Variants in NRG2 observed in about 807,000 individuals in gnomAD.
The protein encoded by NRG2 is pro-neuregulin-2, membrane-bound isoform.
A neutral mutation model predicts 73.9 loss-of-function variants in NRG2; 27 were observed. The observed-to-expected ratio is 0.37, with a 90% CI of 0.27 to 0.50. The LOEUF (loss-of-function observed/expected upper bound fraction) is 0.50, where lower values mean the gene tolerates loss of function less well. Ranked by LOEUF, NRG2 falls within the 20% of genes least tolerant of loss-of-function variation. The pLI is 0.96. For missense variants in NRG2, 1,126 were observed against 1,210.1 expected (o/e 0.93, Z 1.03); for synonymous variants, 532 against 541.0 (o/e 0.98, Z 0.23).
intron 3 of NRG2, among the ~76,000 whole-genome samples, chr5:139,873,075 G>A (rs917541079): frequency 6.6e-6 from 1 of 152,196 alleles, no homozygotes; most frequent in Non-Finnish European, 1.5e-5. Context: ...GGCACCCTCA[G>A]TGTTTAGACA....
At chr5:139,941,947 T>C (rs1240192464) in intron 1 of NRG2, among the ~76,000 whole-genome samples, 2 of 152,206 alleles carry the variant, frequency 1.3e-5, no homozygotes, top group African/African-American at 4.8e-5. Context: ...CATATAAATT[T>C]CACAAATAAG....
chr5:140,024,644 G>A (rs1760533959), intron 1 of NRG2, among the ~76,000 whole-genome samples: 1 of 152,196 alleles, frequency 6.6e-6, no homozygotes, highest in East Asian at 1.9e-4. Context: ...ATTTCCCCAC[G>A]CTCCCTCCTT....
intron 3 of NRG2, among the ~76,000 whole-genome samples, chr5:139,874,595 G>T (rs979246192): frequency 6.6e-6 from 1 of 152,104 alleles, no homozygotes; most frequent in African/African-American, 2.4e-5. Flanking sequence ...TTCCTCTCTG[G>T]TCTTTCTGCC....
intron 1 of NRG2, among the ~76,000 whole-genome samples, chr5:139,960,300 A>G (rs952624548): frequency 4.6e-5 from 7 of 152,272 alleles, no homozygotes; most frequent in Non-Finnish European, 1.0e-4. Flanking sequence ...AGGTCACCTG[A>G]GGTCGGGAGT....
chr5:139,996,060 T>C lies in NRG2; in HGVS notation c.700+46310A>G, dbSNP rs138251548. Among the ~76,000 whole-genome samples the C allele has an allele frequency of 1.8e-3, 267 of 152,252 alleles. 1 individual carries two copies. The highest frequency in any genetic ancestry group is 6.1e-3 in the African/African-American group (255 of 41,552). On this transcript the variant is annotated intron_variant, in intron 1 of 9. Coordinates refer to ENST00000361474, the MANE Select transcript of NRG2 (RefSeq NM_004883.3). ...GAAAAGAAGGGAAAACATCAGAAAG[T>C]TATTTATTTATTTCATCCTCAAATG...
chr5:139,971,250 C>T (rs1292004014), intron 1 of NRG2, among the ~76,000 whole-genome samples: 2 of 152,184 alleles, frequency 1.3e-5, no homozygotes, highest in Non-Finnish European at 1.5e-5. Context: ...AGCTCCTCCA[C>T]GATCACTCTG....
chr5:139,903,450 G>T (rs904532611), intron 1 of NRG2, among the ~76,000 whole-genome samples: 2 of 152,208 alleles, frequency 1.3e-5, no homozygotes, highest in Non-Finnish European at 2.9e-5. Context: ...CAAAACGCTT[G>T]CCTGAAGAAA....
In NRG2 at chr5:139,852,656, T is replaced by C; in HGVS notation, c.1417-97A>G. 1 of 1,538,020 alleles carries C rather than the reference T, an allele frequency of 6.5e-7. No homozygotes were observed. The highest frequency in any genetic ancestry group is 8.8e-7 in the Non-Finnish European group (1 of 1,135,206). On this transcript the variant is annotated intron_variant, in intron 7 of 9. Transcript: ENST00000361474. This position sits in a 1 kb window ranked among gnomAD's most constrained non-coding sequence, Gnocchi z 4.4. Reference sequence around the variant, plus strand: ...AAGTGATGAGCACTGACTGAGCTCCTGGTTGGGGAGACCCACTGTGTGAGA... The same window carrying C: ...AAGTGATGAGCACTGACTGAGCTCCCGGTTGGGGAGACCCACTGTGTGAGA...
Position 139,944,245 on chromosome 5 carries a change from C to A in NRG2, c.701-56734G>T, listed in dbSNP as rs566273131. 7.2e-5 allele frequency among the ~76,000 whole-genome samples: 11 copies of A among 152,178 alleles called. No homozygotes were observed. The South Asian group carries it at 1.7e-3, about 23-fold the overall frequency. On this transcript the variant is annotated intron_variant, in intron 1 of 9. Coordinates refer to ENST00000361474, the MANE Select transcript of NRG2 (RefSeq NM_004883.3). ...CATATCCATCATCTCAAACATTTAT[C>A]ATTTCTTTGTGATAGGAACATTGGA...
At chr5:139,875,874 G>A (rs1006567820) in intron 3 of NRG2, among the ~76,000 whole-genome samples, 9 of 152,230 alleles carry the variant, frequency 5.9e-5, no homozygotes, top group African/African-American at 1.4e-4. Flanking sequence ...ATTGGAAGCC[G>A]TATGCATTGC....
At chr5:139,871,639 T>C (rs565645162) in intron 4 of NRG2, 82 bp downstream of exon 4, 1 of 1,569,574 alleles carries the variant, frequency 6.4e-7, no homozygotes, top group Non-Finnish European at 8.7e-7. Context: ...CTTGGAACCC[T>C]CTTTTCCTAG....
At chr5:139,973,030 G>A (rs1164724034) in intron 1 of NRG2, among the ~76,000 whole-genome samples, 2 of 151,896 alleles carry the variant, frequency 1.3e-5, no homozygotes, top group African/African-American at 4.8e-5. Context: ...GTCACATACT[G>A]GTAGTGAAGC....
chr5:139,955,525 T>C (rs1754555560), intron 1 of NRG2, among the ~76,000 whole-genome samples: 2 of 152,170 alleles, frequency 1.3e-5, no homozygotes, highest in African/African-American at 4.8e-5. Flanking sequence ...GGCCCAGTCC[T>C]GTAGGCAGTG....
At chr5:139,882,326 T>A (rs1186658257) in intron 2 of NRG2, among the ~76,000 whole-genome samples, 1 of 152,152 alleles carries the variant, frequency 6.6e-6, no homozygotes, top group Non-Finnish European at 1.5e-5. Flanking sequence ...GGGGAGCCTC[T>A]TCCCAGGCAT....
intron 1 of NRG2, among the ~76,000 whole-genome samples, chr5:140,034,344 T>TC (rs1761357756): frequency 6.6e-6 from 1 of 151,536 alleles, no homozygotes; most frequent in South Asian, 2.1e-4. Flanking sequence ...TTTTTTTTTT[T>TC]CTGAAGGAAG....
intron 1 of NRG2, among the ~76,000 whole-genome samples, chr5:139,893,845 G>T (rs1370141314): frequency 6.6e-6 from 1 of 152,156 alleles, no homozygotes; most frequent in Non-Finnish European, 1.5e-5. Flanking sequence ...CCTCCAGGAC[G>T]GGCTCCATAA....
chr5:140,023,411 C>T (rs1363594639), intron 1 of NRG2, among the ~76,000 whole-genome samples: 1 of 152,198 alleles, frequency 6.6e-6, no homozygotes, highest in African/African-American at 2.4e-5. Context: ...CAAGGCTAAC[C>T]TCCAGTCCTA....
chr5:140,004,414 T>C (rs72796737), intron 1 of NRG2, among the ~76,000 whole-genome samples: 7,950 of 152,252 alleles, frequency 0.052, 246 homozygotes, highest in Middle Eastern at 0.13. Flanking sequence ...TCAAAGTATG[T>C]CCTCCAAGAT....
chr5:139,924,791 C>T (rs2126338338), intron 1 of NRG2, among the ~76,000 whole-genome samples: 1 of 152,322 alleles, frequency 6.6e-6, no homozygotes, highest in South Asian at 2.1e-4. Flanking sequence ...CAGCCGCCTC[C>T]CTTTCCGGGG....
Sources: allele counts gnomAD v4.1 joint callset (sites outside exome capture counted in the v4.1 genomes callset), GRCh38; gene constraint gnomAD v4.1.1; non-coding constraint Gnocchi (gnomAD v3.1); transcripts MANE v1.5; gene names NCBI Gene and HGNC (gene_info 2026-07-23, HGNC 2026-07-21).